OSBPL8: variants seen among roughly 807,000 people sequenced by gnomAD.
OSBPL8 encodes the protein oxysterol binding protein like 8.
OSBPL8 carries 59 observed loss-of-function variants against 125.5 expected under a neutral mutation model. That is an observed-to-expected ratio of 0.47 (90% CI 0.38 to 0.58). The LOEUF (loss-of-function observed/expected upper bound fraction) is 0.58. OSBPL8 is among the 20% of genes least tolerant of loss of function. The probability of loss-of-function intolerance (pLI) is 0.00; values close to 1 mark genes in which losing one functional copy is unlikely to be tolerated. For missense variants in OSBPL8, 758 were observed against 1,047.8 expected (o/e 0.72, Z 3.82); for synonymous variants, 330 against 338.9 (o/e 0.97, Z 0.29).
chr12:76,494,068 G>C (rs909757613), intron 1 of OSBPL8, among the ~76,000 whole-genome samples: 1 of 152,058 alleles, frequency 6.6e-6, no homozygotes, highest in African/African-American at 2.4e-5. Context: ...TGAGTTGTCT[G>C]TGTTCTCCTG....
intron 2 of OSBPL8, among the ~76,000 whole-genome samples, chr12:76,463,301 A>C (rs1565917386): frequency 6.6e-6 from 1 of 152,176 alleles, no homozygotes; most frequent in Non-Finnish European, 1.5e-5. Context: ...AATGATGTCA[A>C]GTGTTGGGGT....
intron 1 of OSBPL8, among the ~76,000 whole-genome samples, chr12:76,523,274 A>G (rs933067572): frequency 6.6e-6 from 1 of 152,190 alleles, no homozygotes; most frequent in Non-Finnish European, 1.5e-5. Flanking sequence ...GTAGGGAAGG[A>G]AAGTTTACTG....
At chr12:76,443,136 A>G (rs1872380941) in intron 4 of OSBPL8, among the ~76,000 whole-genome samples, 1 of 152,208 alleles carries the variant, frequency 6.6e-6, no homozygotes, top group Non-Finnish European at 1.5e-5. Flanking sequence ...AGCAGGTTAA[A>G]GTTTTTGTTT....
intron 1 of OSBPL8, 134 bp downstream of exon 1, chr12:76,559,263 A>C (rs1951202220): frequency 6.5e-6 from 1 of 152,846 alleles, no homozygotes; most frequent in African/African-American, 2.4e-5. Flanking sequence ...GGAACAAAGG[A>C]GCCAAAGAAC....
chr12:76,495,909 T>C (rs911271534), intron 1 of OSBPL8, among the ~76,000 whole-genome samples: 2 of 152,224 alleles, frequency 1.3e-5, no homozygotes, highest in Admixed American at 1.3e-4. Context: ...TTGCTAAAAT[T>C]TGTATTAGAA....
intron 7 of OSBPL8, among the ~76,000 whole-genome samples, chr12:76,399,576 A>G (rs1953962818): frequency 6.6e-6 from 1 of 152,216 alleles, no homozygotes; most frequent in Non-Finnish European, 1.5e-5. Context: ...AATAGCAAGC[A>G]ATGTATTTTT....
At position 76,353,402 on chromosome 12, in the gene OSBPL8, A is replaced by G. The variant is rs992011588; in HGVS notation, c.*2487T>C. 4 of 151,894 alleles carry G rather than the reference A, an allele frequency of 2.6e-5. No individual in the cohort carries two copies. In the East Asian group the frequency reaches 7.7e-4, roughly 29 times the overall value. 9.4% of individuals were successfully genotyped at this position (151,894 alleles called of 1,614,324 possible). A position where few individuals can be genotyped will look rare whatever the true frequency, so the allele number is the denominator to read the frequency against. ...AGCTAAAAAGAAAATGCACATGTGA[A>G]TAATTATTACTCAATTAAATTTTCA... On this transcript the variant is annotated 3_prime_UTR_variant, in exon 24 of 24. Transcript: ENST00000261183.
At chr12:76,470,441 T>C (rs1461791712) in intron 2 of OSBPL8, among the ~76,000 whole-genome samples, 2 of 152,232 alleles carry the variant, frequency 1.3e-5, no homozygotes, top group African/African-American at 4.8e-5. Context: ...AGCATATACA[T>C]GAACATTTCA....
rs370008983 is a variant in OSBPL8 at position 76,497,190 on chromosome 12, C to G, written c.-67-9572G>C. The stretch of plus-strand genomic sequence containing the variant: ...TGTATCTGTATAGCTTAGGAATCAG[C>G]AAATTTTTTTTTTTTTTTTGTAAAG... On this transcript the variant is annotated intron_variant, in intron 1 of 23. Transcript: ENST00000261183. 2.0e-5 allele frequency among the ~76,000 whole-genome samples: 3 copies of G among 147,862 alleles called. No homozygotes were observed. In the East Asian group the frequency reaches 5.8e-4, roughly 29 times the overall value.
intron 4 of OSBPL8, among the ~76,000 whole-genome samples, chr12:76,429,607 T>C (rs186754442): frequency 6.6e-6 from 1 of 152,292 alleles, no homozygotes; most frequent in African/African-American, 2.4e-5. Context: ...TACTACCTCA[T>C]AATTAAATAA....
chr12:76,497,818 T>A (rs562545251), intron 1 of OSBPL8, among the ~76,000 whole-genome samples: 2 of 152,266 alleles, frequency 1.3e-5, no homozygotes, highest in African/African-American at 4.8e-5. Flanking sequence ...CAGAAGAGAC[T>A]CTTATATAAC....
intron 2 of OSBPL8, among the ~76,000 whole-genome samples, chr12:76,479,232 G>C (rs1877174805): frequency 6.6e-6 from 1 of 152,078 alleles, no homozygotes; most frequent in South Asian, 2.1e-4. Flanking sequence ...TAACACAAAG[G>C]ATAAAAGCTT....
At chr12:76,544,161 A>G (rs1489030309) in intron 1 of OSBPL8, among the ~76,000 whole-genome samples, 1 of 152,126 alleles carries the variant, frequency 6.6e-6, no homozygotes, top group Non-Finnish European at 1.5e-5. Flanking sequence ...CCCACAAAAC[A>G]ATTTTGGAAC....
intron 2 of OSBPL8, among the ~76,000 whole-genome samples, chr12:76,466,596 T>C (rs767844738): frequency 2.1e-4 from 32 of 152,194 alleles, no homozygotes; most frequent in Non-Finnish European, 3.4e-4. Flanking sequence ...GCAATAATCT[T>C]TTAAGTAATA....
intron 1 of OSBPL8, among the ~76,000 whole-genome samples, chr12:76,505,954 T>TA (rs1880371705): frequency 6.6e-6 from 1 of 152,212 alleles, no homozygotes. Flanking sequence ...TCATTTGGGC[T>TA]ACTAATTGAG....
chr12:76,457,336 A>T (rs1277692056), intron 3 of OSBPL8, among the ~76,000 whole-genome samples: 1 of 152,218 alleles, frequency 6.6e-6, no homozygotes, highest in Admixed American at 6.5e-5. Flanking sequence ...GTGTGTGTGA[A>T]AAGTTTTGAT....
At chr12:76,512,145 C>T (rs554626154) in intron 1 of OSBPL8, among the ~76,000 whole-genome samples, 24 of 152,270 alleles carry the variant, frequency 1.6e-4, no homozygotes, top group African/African-American at 5.8e-4. Context: ...CTCAAGTAGA[C>T]CCCAGTGTCT....
chr12:76,457,762 C>T (rs1464043084), intron 3 of OSBPL8, among the ~76,000 whole-genome samples: 4 of 151,704 alleles, frequency 2.6e-5, no homozygotes, highest in South Asian at 2.1e-4. Flanking sequence ...TTCTTCTATT[C>T]GAAGTAAAAA....
At chr12:76,519,072 C>T (rs990642692) in intron 1 of OSBPL8, among the ~76,000 whole-genome samples, 11 of 152,102 alleles carry the variant, frequency 7.2e-5, no homozygotes, top group South Asian at 2.1e-4. Context: ...CTAAATTTTC[C>T]GAATTTTTAT....
Sources: gnomAD v4.1 joint callset for allele counts (sites outside exome capture counted in the v4.1 genomes callset) on GRCh38, gnomAD v4.1.1 for gene constraint, MANE v1.5 for transcripts, NCBI Gene and HGNC (gene_info 2026-07-23, HGNC 2026-07-21) for gene names.